The following PARVA variants were observed in gnomAD, a reference collection of about 807,000 sequenced individuals.
The protein encoded by PARVA is parvin alpha.
In PARVA, 25 loss-of-function variants were observed where a neutral mutation model predicts 52.6. The observed-to-expected ratio is 0.48, with a 90% CI of 0.35 to 0.66. PARVA has a LOEUF of 0.66. Ranked by LOEUF, PARVA falls within the 30% of genes least tolerant of loss-of-function variation. The probability of loss-of-function intolerance (pLI) is 0.01; values close to 1 mark genes in which losing one functional copy is unlikely to be tolerated. For synonymous variants in PARVA, 185 were observed against 179.1 expected (o/e 1.03, Z -0.26); for missense variants, 373 against 450.9 (o/e 0.83, Z 1.56).
chr11:12,515,401 A>C (rs1941555221), intron 10 of PARVA, among the ~76,000 whole-genome samples: 1 of 152,192 alleles, frequency 6.6e-6, no homozygotes, highest in African/African-American at 2.4e-5. Context: ...GTAGGAAATA[A>C]GGAATGTTCT....
intron 1 of PARVA, among the ~76,000 whole-genome samples, chr11:12,406,369 T>C (rs11022341): frequency 0.64 from 96,802 of 152,142 alleles, 31,045 homozygotes; most frequent in African/African-American, 0.7. Flanking sequence ...TGATTGTGGA[T>C]GTTACCCACA....
At chr11:12,430,772 A>G (rs1382581765) in intron 1 of PARVA, among the ~76,000 whole-genome samples, 1 of 152,234 alleles carries the variant, frequency 6.6e-6, no homozygotes, top group Non-Finnish European at 1.5e-5. Flanking sequence ...GCAGCTGTCA[A>G]ATTAGTTACT....
At chr11:12,407,685 G>C (rs1057046073) in intron 1 of PARVA, among the ~76,000 whole-genome samples, 2 of 152,200 alleles carry the variant, frequency 1.3e-5, no homozygotes, top group Admixed American at 6.5e-5. Flanking sequence ...ACAGAGGAAA[G>C]CAGTTTGATG....
At chr11:12,493,631 AAT>A (rs1388327399) in intron 4 of PARVA, among the ~76,000 whole-genome samples, 1 of 152,184 alleles carries the variant, frequency 6.6e-6, no homozygotes, top group Non-Finnish European at 1.5e-5. Context: ...AAAGGAAAAA[AAT>A]TAATTTTAGG....
chr11:12,448,458 G>A (rs1940576792), intron 1 of PARVA, among the ~76,000 whole-genome samples: 1 of 152,226 alleles, frequency 6.6e-6, no homozygotes, highest in Non-Finnish European at 1.5e-5. Context: ...GGACACCCAG[G>A]AGTTGTAGCT....
At chr11:12,424,860 C>CT (rs1329050661) in intron 1 of PARVA, among the ~76,000 whole-genome samples, 2 of 152,202 alleles carry the variant, frequency 1.3e-5, no homozygotes, top group Admixed American at 6.5e-5. Context: ...AAGTTTTGAA[C>CT]TACCCTAATC....
chr11:12,410,048 G>C (rs915089462), intron 1 of PARVA, among the ~76,000 whole-genome samples: 1 of 152,170 alleles, frequency 6.6e-6, no homozygotes, highest in East Asian at 1.9e-4. Context: ...AATTCCAAAT[G>C]TGCCTCTAGG....
intron 1 of PARVA, among the ~76,000 whole-genome samples, chr11:12,418,927 T>A (rs1417248451): frequency 6.6e-6 from 1 of 152,198 alleles, no homozygotes; most frequent in Non-Finnish European, 1.5e-5. Context: ...GTAATTTACT[T>A]AATCCTCACA....
At chr11:12,417,423 G>T (rs891420529) in intron 1 of PARVA, among the ~76,000 whole-genome samples, 1 of 152,110 alleles carries the variant, frequency 6.6e-6, no homozygotes, top group Non-Finnish European at 1.5e-5. Flanking sequence ...TTATATATTT[G>T]TAAGGGTATA....
intron 1 of PARVA, among the ~76,000 whole-genome samples, chr11:12,456,997 T>C (rs139447652): frequency 2.4e-4 from 36 of 152,352 alleles, no homozygotes; most frequent in Admixed American, 9.1e-4. Flanking sequence ...TTTTATAGTT[T>C]CTTATGGCCT....
At chr11:12,501,967 C>T (rs1251514800) in intron 5 of PARVA, among the ~76,000 whole-genome samples, 1 of 152,238 alleles carries the variant, frequency 6.6e-6, no homozygotes, top group African/African-American at 2.4e-5. Context: ...TTCTTACAAC[C>T]CTCAGTGACG....
chr11:12,424,617 C>T (rs887778003), intron 1 of PARVA, among the ~76,000 whole-genome samples: 6 of 152,120 alleles, frequency 3.9e-5, no homozygotes, highest in African/African-American at 1.2e-4. Flanking sequence ...CTGGACAGTG[C>T]GGAAATAAAT....
chr11:12,489,693 G>C (rs1328716595), intron 4 of PARVA, among the ~76,000 whole-genome samples: 1 of 152,138 alleles, frequency 6.6e-6, no homozygotes, highest in Non-Finnish European at 1.5e-5. Flanking sequence ...ATTTTACAGT[G>C]AAACCTAAGA....
intron 1 of PARVA, among the ~76,000 whole-genome samples, chr11:12,439,048 G>T (rs1442063415): frequency 6.6e-6 from 1 of 152,198 alleles, no homozygotes; most frequent in Non-Finnish European, 1.5e-5. Context: ...AATGATATGG[G>T]AAAGAGAGGA....
chr11:12,528,285 T>G lies in PARVA; in HGVS notation c.*360T>G. 1 of 290,366 alleles carries G rather than the reference T, an allele frequency of 3.4e-6. No individual in the cohort carries two copies. Among genetic ancestry groups the G allele is most frequent in the Non-Finnish European group, 6.7e-6 (1 of 150,366 alleles). 18.0% of individuals were successfully genotyped at this position (290,366 alleles called of 1,614,324 possible). ...CCATTCAAAGGATGCTAACTGTGTG[T>G]CAGGCCCCACACTAAGTGCTCTGCT... On this transcript the variant is annotated 3_prime_UTR_variant, in exon 13 of 13. Transcript: ENST00000334956.
In PARVA at chr11:12,445,188, AT is replaced by A. The variant is rs1355543240; in HGVS notation, c.137-28556del. On this transcript the variant is annotated intron_variant, in intron 1 of 12. Transcript: ENST00000334956. ...CCATGGCACACTCCAATTGATTAAC[AT>A]AACTACAGTTTAATAAAGGGTTTGT... Among the ~76,000 whole-genome samples the A allele has an allele frequency of 2.0e-5, 3 of 152,204 alleles. No homozygotes were observed. In the East Asian group the frequency reaches 5.8e-4, roughly 29 times the overall value.
chr11:12,513,497 C>T, intron 9 of PARVA, 137 bp downstream of exon 9: 1 of 809,424 alleles, frequency 1.2e-6, no homozygotes, highest in Non-Finnish European at 2.2e-6. Flanking sequence ...GGGCTTTCCC[C>T]CTTGCCATCC....
At chr11:12,478,080 T>A in intron 4 of PARVA, 131 bp downstream of exon 4, 1 of 743,632 alleles carries the variant, frequency 1.3e-6, no homozygotes, top group Non-Finnish European at 2.5e-6. Context: ...GTGTGGAGCA[T>A]GGAATAACAG....
At chr11:12,439,635 C>A (rs925097093) in intron 1 of PARVA, among the ~76,000 whole-genome samples, 1 of 152,154 alleles carries the variant, frequency 6.6e-6, no homozygotes. Context: ...GTGTCACTAC[C>A]TCGCAGTAAA....
Sources: gnomAD v4.1 joint callset for allele counts (sites outside exome capture counted in the v4.1 genomes callset) on GRCh38, gnomAD v4.1.1 for gene constraint, MANE v1.5 for transcripts, NCBI Gene and HGNC (gene_info 2026-07-23, HGNC 2026-07-21) for gene names.